The following MYBL1 variants were observed in gnomAD, a reference collection of about 807,000 sequenced individuals.
MYBL1 encodes myb-related protein A.
MYBL1 carries 17 observed loss-of-function variants against 96.3 expected under a neutral mutation model. The observed-to-expected ratio is 0.18, with a 90% CI of 0.12 to 0.26. The LOEUF (loss-of-function observed/expected upper bound fraction) is 0.26, where lower values mean the gene tolerates loss of function less well. Among genes scored for constraint, MYBL1 ranks in the 10% least tolerant of loss-of-function variants. The probability of loss-of-function intolerance (pLI) is 1.00; values close to 1 mark genes in which losing one functional copy is unlikely to be tolerated. For missense variants in MYBL1, 701 were observed against 882.9 expected (o/e 0.79, Z 2.61); for synonymous variants, 282 against 292.7 (o/e 0.96, Z 0.37).
intron 10 of MYBL1, among the ~76,000 whole-genome samples, chr8:66,575,492 A>G (rs1035804802): frequency 6.6e-6 from 1 of 152,158 alleles, no homozygotes; most frequent in Non-Finnish European, 1.5e-5. Context: ...TAAAAACTGT[A>G]GTATAATATC....
intron 8 of MYBL1, among the ~76,000 whole-genome samples, chr8:66,588,431 C>A (rs764513069): frequency 6.6e-6 from 1 of 151,958 alleles, no homozygotes; most frequent in African/African-American, 2.4e-5. Context: ...AGGAGCGCAC[C>A]ATCACACCTG....
At chr8:66,572,368 T>C in intron 12 of MYBL1, 114 bp downstream of exon 12, 1 of 548,958 alleles carries the variant, frequency 1.8e-6, no homozygotes, top group Admixed American at 3.1e-5. Flanking sequence ...TAAAGCTTTG[T>C]ATCTGTTTCA....
chr8:66,567,185 T>C (rs1021341012), intron 12 of MYBL1, among the ~76,000 whole-genome samples, 193 bp from the exon 13 acceptor site: 2 of 152,210 alleles, frequency 1.3e-5, no homozygotes, highest in Non-Finnish European at 2.9e-5. Flanking sequence ...GAGTAAAGAA[T>C]AGCAATTTCT....
At chr8:66,573,273 T>C (rs2129753040) in intron 11 of MYBL1, 91 bp downstream of exon 11, 1 of 1,217,608 alleles carries the variant, frequency 8.2e-7, no homozygotes, top group East Asian at 2.6e-5. Flanking sequence ...ATAGGAATTA[T>C]GATACTTGCT....
chr8:66,603,247 G>A (rs1810178295), intron 1 of MYBL1, among the ~76,000 whole-genome samples: 1 of 152,200 alleles, frequency 6.6e-6, no homozygotes, highest in South Asian at 2.1e-4. Context: ...CAAGAGTGTG[G>A]TGAAACTGAA....
chr8:66,568,288 T>A (rs1308124856), intron 12 of MYBL1, among the ~76,000 whole-genome samples: 5 of 152,074 alleles, frequency 3.3e-5, no homozygotes, highest in African/African-American at 1.2e-4. Context: ...ATTTACTTAT[T>A]TATTTATTGA....
In MYBL1 at chr8:66,612,714, G is replaced by T. The variant is rs184732313; in HGVS notation, c.20+105C>A. 1.8e-3 allele frequency: 2,280 copies of T among 1,258,134 alleles called. 13 individuals carry two copies. The highest frequency in any genetic ancestry group is 0.011 in the South Asian group (378 of 33,840). The allele number at this position is 1,258,134 out of a possible 1,614,324, so 77.9% of individuals were successfully genotyped here. A position where few individuals can be genotyped will look rare whatever the true frequency, so the allele number is the denominator to read the frequency against. ...CGGGGACGCGGGAAGAAAAACCTCT[G>T]CCCTCGCCAGGGAGGGCCTTATGGC... On this transcript the variant is annotated intron_variant, in intron 1 of 15. Transcript: ENST00000522677.
intron 8 of MYBL1, 97 bp from the exon 9 acceptor site, chr8:66,580,463 G>A (rs1447736025): frequency 1.3e-6 from 1 of 760,766 alleles, no homozygotes; most frequent in East Asian, 2.7e-5. Context: ...AAACATAGTA[G>A]CAAATATTTT....
At chr8:66,567,434 G>C (rs777583710) in intron 12 of MYBL1, among the ~76,000 whole-genome samples, 2 of 152,024 alleles carry the variant, frequency 1.3e-5, no homozygotes, top group Non-Finnish European at 2.9e-5. Context: ...AAGATTGTGA[G>C]ATACTTGAGA....
intron 1 of MYBL1, among the ~76,000 whole-genome samples, chr8:66,611,026 T>C (rs778453854): frequency 6.6e-6 from 1 of 152,218 alleles, no homozygotes; most frequent in Non-Finnish European, 1.5e-5. Flanking sequence ...AAACAACTTA[T>C]ATATGCAAAC....
chr8:66,596,793 G>T (rs779367398), intron 5 of MYBL1, among the ~76,000 whole-genome samples: 3 of 152,120 alleles, frequency 2.0e-5, no homozygotes, highest in Non-Finnish European at 4.4e-5. Flanking sequence ...AATGTAGAGT[G>T]TACTTAGCAC....
chr8:66,576,063 C>A lies in MYBL1; in HGVS notation c.1414G>T (p.Gly472Cys). 14 of 1,613,822 alleles carry A rather than the reference C, an allele frequency of 8.7e-6. No homozygotes were observed. The highest frequency in any genetic ancestry group is 1.2e-5 in the Non-Finnish European group (14 of 1,179,836). The change falls in exon 10 of 16, where the codon GGT (glycine) becomes TGT (cysteine). Residue 472 changes from glycine (G) to cysteine (C), a missense_variant. Transcript: ENST00000522677. ...ELRDGSLNDG[G>C]NMALKHTPLK... ...GGTGTATGTTTTAGCGCCATATTAC[C>A]ACCATCGTTCAATGAGCCATCCCTA...
In MYBL1 at chr8:66,562,816, C is replaced by T. The variant is rs1808378368; in HGVS notation, c.*1881G>A. 6.6e-6 allele frequency: 1 copy of T among 151,876 alleles called. No homozygotes were observed. Among genetic ancestry groups the T allele is most frequent in the Non-Finnish European group, 1.5e-5 (1 of 67,858 alleles). The allele number at this position is 151,876 out of a possible 1,614,324, so 9.4% of individuals were successfully genotyped here. A position where few individuals can be genotyped will look rare whatever the true frequency, so the allele number is the denominator to read the frequency against. On this transcript the variant is annotated 3_prime_UTR_variant, in exon 16 of 16. Transcript: ENST00000522677. Reference sequence around the variant, plus strand: ...AGTTCATTAATTAGAAAGCAATCAACATACTTAAACATGCTAAGAGGATTC... The same window carrying T: ...AGTTCATTAATTAGAAAGCAATCAATATACTTAAACATGCTAAGAGGATTC...
intron 9 of MYBL1, among the ~76,000 whole-genome samples, chr8:66,579,262 TAAA>T (rs923439917): frequency 0.08 from 12,126 of 151,390 alleles, 975 homozygotes; most frequent in African/African-American, 0.2. Flanking sequence ...AAATTTTTTT[TAAA>T]AAAATGAAAA....
intron 12 of MYBL1, among the ~76,000 whole-genome samples, chr8:66,569,819 T>C (rs1469204775): frequency 1.3e-5 from 2 of 152,248 alleles, no homozygotes; most frequent in Non-Finnish European, 2.9e-5. Flanking sequence ...CTGCATTTAA[T>C]ACTTTTCAGG....
intron 1 of MYBL1, among the ~76,000 whole-genome samples, chr8:66,610,753 T>C (rs564850258): frequency 5.8e-4 from 89 of 152,252 alleles, no homozygotes; most frequent in African/African-American, 2.0e-3. Context: ...CATATTTACG[T>C]GGGCAAGAAA....
At chr8:66,598,303 C>A (rs1487933518) in intron 4 of MYBL1, among the ~76,000 whole-genome samples, 3 of 152,254 alleles carry the variant, frequency 2.0e-5, no homozygotes, top group African/African-American at 7.2e-5. Flanking sequence ...GATGGCTCAG[C>A]CTCTAATCCC....
At position 66,575,892 on chromosome 8, in the gene MYBL1, A is replaced by G. The variant is rs1268144237; in HGVS notation, c.1470+115T>C. ...GTTCAGTATTCTCAAGTATACATTT[A>G]AACACATTATTTTTATATGTTATCA... On this transcript the variant is annotated intron_variant, in intron 10 of 15. Coordinates refer to ENST00000522677, the MANE Select transcript of MYBL1 (RefSeq NM_001080416.4). 2.8e-6 allele frequency: 3 copies of G among 1,078,754 alleles called. No homozygotes were observed. In the East Asian group the frequency reaches 7.7e-5, roughly 28 times the overall value. The allele number at this position is 1,078,754 out of a possible 1,614,324, so 66.8% of individuals were successfully genotyped here. A position where few individuals can be genotyped will look rare whatever the true frequency, so the allele number is the denominator to read the frequency against.
At chr8:66,606,305 T>A (rs936650115) in intron 1 of MYBL1, among the ~76,000 whole-genome samples, 3 of 152,186 alleles carry the variant, frequency 2.0e-5, no homozygotes, top group Admixed American at 2.0e-4. Flanking sequence ...TAACACCTCA[T>A]ACAGCACATG....
Sources: allele counts gnomAD v4.1 joint callset (sites outside exome capture counted in the v4.1 genomes callset), GRCh38; gene constraint gnomAD v4.1.1; transcripts MANE v1.5; gene names NCBI Gene and HGNC (gene_info 2026-07-23, HGNC 2026-07-21).